CUX2: variants seen among roughly 807,000 people sequenced by gnomAD.
The protein encoded by CUX2 is cut like homeobox 2.
In CUX2, 40 loss-of-function variants were observed where a neutral mutation model predicts 144.8. That is an observed-to-expected ratio of 0.28 (90% CI 0.21 to 0.36). The LOEUF (loss-of-function observed/expected upper bound fraction) is 0.36, where lower values mean the gene tolerates loss of function less well. Ranked by LOEUF, CUX2 falls within the 10% of genes least tolerant of loss-of-function variation. The pLI, the probability that CUX2 is intolerant of heterozygous loss-of-function variation, is 1.00. For synonymous variants in CUX2, 827 were observed against 875.6 expected (o/e 0.94, Z 0.98); for missense variants, 1,615 against 1,994.0 (o/e 0.81, Z 3.62).
In CUX2 at chr12:111,171,454, TC is replaced by T. The variant is rs1878517832; in HGVS notation, c.64-42745del. Reference sequence around the variant, plus strand: ...TTATGCACCAGTGGGAGTGGGTCTCTCTCTGACCCAATGCAAGCAGCCCGGA... The same window carrying T: ...TTATGCACCAGTGGGAGTGGGTCTCTTCTGACCCAATGCAAGCAGCCCGGA... On this transcript the variant is annotated intron_variant, in intron 1 of 21. Transcript: ENST00000261726. The surrounding 1 kb of genome is among the most constrained non-coding windows in gnomAD (Gnocchi z 5.0). 6.6e-6 allele frequency among the ~76,000 whole-genome samples: 1 copy of T among 152,134 alleles called. No individual in the cohort carries two copies. The highest frequency in any genetic ancestry group is 6.5e-5 in the Admixed American group (1 of 15,268).
At chr12:111,234,451 T>C (rs988719778) in intron 3 of CUX2, among the ~76,000 whole-genome samples, 23 of 152,138 alleles carry the variant, frequency 1.5e-4, no homozygotes, top group African/African-American at 5.5e-4. Flanking sequence ...TGGGATCCCA[T>C]GCCCAAGGTC....
chr12:111,260,717 T>C (rs1259335092), intron 3 of CUX2, among the ~76,000 whole-genome samples: 8 of 152,162 alleles, frequency 5.3e-5, no homozygotes, highest in Admixed American at 5.2e-4. Flanking sequence ...TGGACCATTA[T>C]ACACTGATAA....
intron 1 of CUX2, among the ~76,000 whole-genome samples, chr12:111,107,861 T>G (rs1165328704): frequency 6.6e-6 from 1 of 152,114 alleles, no homozygotes; most frequent in Non-Finnish European, 1.5e-5. Flanking sequence ...TTCCCCAGAT[T>G]CCCTGAATGC....
intron 1 of CUX2, among the ~76,000 whole-genome samples, chr12:111,096,784 C>T (rs1872841713): frequency 2.0e-5 from 3 of 152,068 alleles, no homozygotes; most frequent in Non-Finnish European, 4.4e-5. Context: ...TAGAGACCAA[C>T]CTGGCCAGCA....
At position 111,059,639 on chromosome 12, in the gene CUX2, C is replaced by T. The variant is rs1345684267; in HGVS notation, c.63+25399C>T. 6.6e-6 allele frequency among the ~76,000 whole-genome samples: 1 copy of T among 151,894 alleles called. No homozygotes were observed. The highest frequency in any genetic ancestry group is 1.5e-5 in the Non-Finnish European group (1 of 67,976). On this transcript the variant is annotated intron_variant, in intron 1 of 21. Coordinates refer to ENST00000261726, the MANE Select transcript of CUX2 (RefSeq NM_015267.4). The surrounding 1 kb of genome is among the most constrained non-coding windows in gnomAD (Gnocchi z 5.3). ...TGAAGTGGGGGCAGGGTGGCAGGAG[C>T]CAGATCACCTTGAGGGCTATGGTGA...
chr12:111,105,508 T>C (rs190393055), intron 1 of CUX2, among the ~76,000 whole-genome samples: 28 of 152,278 alleles, frequency 1.8e-4, no homozygotes, highest in African/African-American at 3.1e-4. Flanking sequence ...TGTGTGTGTG[T>C]GCTCACGCAC....
In CUX2 at chr12:111,349,087, A is replaced by G. The variant is rs917619428; in HGVS notation, c.*762A>G. The G allele has an allele frequency of 2.0e-5, 3 of 152,596 alleles. No homozygotes were observed. Among genetic ancestry groups the G allele is most frequent in the Admixed American group, 1.3e-4 (2 of 15,284 alleles). 9.5% of individuals were successfully genotyped at this position (152,596 alleles called of 1,614,324 possible). ...GTGGGCCGTGGCCCAACCGTCCTATATGAGATGTAGCATGGTACAGAACAA... is the reference window on the plus strand; with the variant it reads ...GTGGGCCGTGGCCCAACCGTCCTATGTGAGATGTAGCATGGTACAGAACAA... On this transcript the variant is annotated 3_prime_UTR_variant, in exon 22 of 22. Transcript: ENST00000261726.
chr12:111,276,064 T>A (rs1409063774), intron 4 of CUX2, among the ~76,000 whole-genome samples: 2 of 152,146 alleles, frequency 1.3e-5, no homozygotes, highest in Non-Finnish European at 2.9e-5. Flanking sequence ...TTTTAAAAAG[T>A]GAGTCAGCCC....
At position 111,171,859 on chromosome 12, in the gene CUX2, A is replaced by G. The variant is rs1878541281; in HGVS notation, c.64-42341A>G. ...TCCAGATATGTGGGTCCTGGGCCTT[A>G]CCTGTACCAAATAAATAACCCATTT... On this transcript the variant is annotated intron_variant, in intron 1 of 21. Transcript: ENST00000261726. The surrounding 1 kb of genome is among the most constrained non-coding windows in gnomAD (Gnocchi z 5.0). 1.3e-5 allele frequency among the ~76,000 whole-genome samples: 2 copies of G among 152,192 alleles called. No individual in the cohort carries two copies. Among genetic ancestry groups the G allele is most frequent in the South Asian group, 4.1e-4 (2 of 4,836 alleles).
At chr12:111,215,273 G>A (rs780642896) in intron 2 of CUX2, among the ~76,000 whole-genome samples, 4 of 152,184 alleles carry the variant, frequency 2.6e-5, no homozygotes, top group Non-Finnish European at 5.9e-5. Context: ...GGGGGGTCCT[G>A]TTGCCATCTC....
intron 1 of CUX2, among the ~76,000 whole-genome samples, chr12:111,195,183 G>A (rs1047621471): frequency 1.3e-5 from 2 of 152,158 alleles, no homozygotes; most frequent in African/African-American, 4.8e-5. Flanking sequence ...AAAAGAGCAT[G>A]TGAAACCACT....
intron 18 of CUX2, among the ~76,000 whole-genome samples, chr12:111,333,134 G>A (rs112796910): frequency 0.3 from 45,965 of 152,012 alleles, 7,689 homozygotes; most frequent in East Asian, 0.59. Flanking sequence ...TCTTGAACCC[G>A]TGAGGTGGAG....
rs932065379 is a variant in CUX2, at chr12:111,186,043, C to A, written c.64-28157C>A. ...TTTCTGGTCCTCTCTCTTTCACTCT[C>A]ACTCTCTCCCTCCCTCCCTTCCTCC... On this transcript the variant is annotated intron_variant, in intron 1 of 21. Transcript: ENST00000261726. This position sits in a 1 kb window ranked among gnomAD's most constrained non-coding sequence, Gnocchi z 4.4. Among the ~76,000 whole-genome samples, 7 of 151,874 alleles carry A rather than the reference C, an allele frequency of 4.6e-5. No individual in the cohort carries two copies. Among genetic ancestry groups the A allele is most frequent in the African/African-American group, 1.7e-4 (7 of 41,312 alleles).
chr12:111,104,261 C>T (rs900327480), intron 1 of CUX2, among the ~76,000 whole-genome samples: 1 of 152,164 alleles, frequency 6.6e-6, no homozygotes, highest in African/African-American at 2.4e-5. Context: ...CTGCCTTTCA[C>T]TCTTCCCCCC....
At chr12:111,318,124 A>G (rs1171699551) in intron 16 of CUX2, among the ~76,000 whole-genome samples, 1 of 151,686 alleles carries the variant, frequency 6.6e-6, no homozygotes, top group Admixed American at 6.6e-5. Flanking sequence ...CCCAGGCTGG[A>G]GTGCAGTGGT....
At position 111,123,518 on chromosome 12, in the gene CUX2, C is replaced by T. The variant is rs562521164; in HGVS notation, c.63+89278C>T. 1.3e-4 allele frequency among the ~76,000 whole-genome samples: 20 copies of T among 150,996 alleles called. No individual in the cohort carries two copies. The East Asian group carries it at 2.8e-3, about 21-fold the overall frequency. ...CACTTTGTATGTGTTGGATCACATGCACTTTCTATACATTAGCTCACTTAA... is the reference window on the plus strand; with the variant it reads ...CACTTTGTATGTGTTGGATCACATGTACTTTCTATACATTAGCTCACTTAA... On this transcript the variant is annotated intron_variant, in intron 1 of 21. Coordinates refer to ENST00000261726, the MANE Select transcript of CUX2 (RefSeq NM_015267.4).
intron 1 of CUX2, among the ~76,000 whole-genome samples, chr12:111,148,329 A>G (rs1172630730): frequency 6.6e-6 from 1 of 152,010 alleles, no homozygotes; most frequent in East Asian, 1.9e-4. Context: ...AGAGTAGTCA[A>G]ATCCACAGAG....
intron 3 of CUX2, among the ~76,000 whole-genome samples, chr12:111,247,791 G>T (rs1883349066): frequency 6.6e-6 from 1 of 152,170 alleles, no homozygotes; most frequent in Non-Finnish European, 1.5e-5. Context: ...CCCCCTAGAT[G>T]ATGTCATCTT....
intron 1 of CUX2, chr12:111,099,748 A>G (rs1873088829): frequency 2.2e-6 from 1 of 453,138 alleles, no homozygotes; most frequent in South Asian, 1.6e-5. Flanking sequence ...GCCTGCACGG[A>G]TGGTGTAAAA....
Sources: gnomAD v4.1 joint callset for allele counts (sites outside exome capture counted in the v4.1 genomes callset) on GRCh38, gnomAD v4.1.1 for gene constraint, Gnocchi (gnomAD v3.1) non-coding constraint, MANE v1.5 for transcripts, NCBI Gene and HGNC (gene_info 2026-07-23, HGNC 2026-07-21) for gene names.